PDZRN3: variants seen among roughly 807,000 people sequenced by gnomAD.
PDZRN3 encodes the protein PDZ domain containing ring finger 3.
Under a neutral mutation model 85.7 loss-of-function variants are expected in PDZRN3, and 38 were observed. The ratio of observed to expected loss-of-function variants is 0.44; its 90% CI spans 0.34 to 0.58. The LOEUF is 0.58. Ranked by LOEUF, PDZRN3 falls within the 20% of genes least tolerant of loss-of-function variation. The probability of loss-of-function intolerance (pLI) is 0.01; values close to 1 mark genes in which losing one functional copy is unlikely to be tolerated. For synonymous variants in PDZRN3, 759 were observed against 638.0 expected (o/e 1.19, Z -2.86); for missense variants, 1,629 against 1,506.4 (o/e 1.08, Z -1.35).
intron 3 of PDZRN3, 43 bp downstream of exon 3, chr3:73,602,311 T>C: frequency 9.6e-7 from 1 of 1,036,288 alleles, no homozygotes; most frequent in Admixed American, 1.8e-5. Context: ...GAAGATGGGA[T>C]GGCATTCAGC....
chr3:73,416,876 GTTTTTTTT>G (rs146381615), intron 3 of PDZRN3, among the ~76,000 whole-genome samples: 5 of 110,402 alleles, frequency 4.5e-5, no homozygotes, highest in East Asian at 2.5e-4. Flanking sequence ...TTTTTTTTTG[GTTTTTTTT>G]TTTTTTTTTT....
At chr3:73,413,011 C>T (rs931684784) in intron 3 of PDZRN3, among the ~76,000 whole-genome samples, 2 of 152,016 alleles carry the variant, frequency 1.3e-5, no homozygotes, top group East Asian at 1.9e-4. Flanking sequence ...TCAGTGCCCT[C>T]GATAGAATAT....
chr3:73,454,965 T>C (rs1158271606), intron 3 of PDZRN3, among the ~76,000 whole-genome samples: 1 of 152,166 alleles, frequency 6.6e-6, no homozygotes, highest in Non-Finnish European at 1.5e-5. Context: ...TTTTCTACAC[T>C]ATCTTGACTA....
intron 3 of PDZRN3, among the ~76,000 whole-genome samples, chr3:73,437,108 A>T (rs1702546578): frequency 6.6e-6 from 1 of 150,592 alleles, no homozygotes; most frequent in Admixed American, 6.6e-5. Context: ...GGGTTATATT[A>T]AGCAATATTT....
intron 3 of PDZRN3, among the ~76,000 whole-genome samples, chr3:73,508,036 A>G (rs1023632201): frequency 1.3e-5 from 2 of 152,158 alleles, no homozygotes; most frequent in Admixed American, 1.3e-4. Context: ...TGAAGGTTGC[A>G]ATGAGCCGAG....
chr3:73,506,739 A>G (rs181777853), intron 3 of PDZRN3, among the ~76,000 whole-genome samples: 13 of 152,248 alleles, frequency 8.5e-5, no homozygotes, highest in Admixed American at 7.2e-4. Context: ...AAGTTAATGG[A>G]AGGATTTACA....
Position 73,420,536 on chromosome 3 carries a change from C to T in PDZRN3, c.919-16141G>A, listed in dbSNP as rs567839873. 2.6e-5 allele frequency among the ~76,000 whole-genome samples: 4 copies of T among 152,324 alleles called. No homozygotes were observed. The East Asian group carries it at 7.7e-4, about 29-fold the overall frequency. On this transcript the variant is annotated intron_variant, in intron 3 of 9. Transcript: ENST00000263666. ...TTTTAAGAAGCTTTGGCTTTACATA[C>T]TTCTGTTGAAACCCTTATTCTCCAC...
chr3:73,613,343 T>C (rs912084410), intron 1 of PDZRN3, among the ~76,000 whole-genome samples: 3 of 151,940 alleles, frequency 2.0e-5, no homozygotes, highest in African/African-American at 4.8e-5. Context: ...ATACATAACA[T>C]GGTCACACCT....
intron 3 of PDZRN3, among the ~76,000 whole-genome samples, chr3:73,456,884 C>T (rs867374379): frequency 6.6e-6 from 1 of 151,596 alleles, no homozygotes; most frequent in Admixed American, 6.6e-5. Flanking sequence ...TTCTGTGCTA[C>T]GAATTTCTTC....
At chr3:73,492,894 T>A (rs945501028) in intron 3 of PDZRN3, among the ~76,000 whole-genome samples, 2 of 151,806 alleles carry the variant, frequency 1.3e-5, no homozygotes, top group African/African-American at 4.8e-5. Context: ...ACCACATAAA[T>A]ATGTACAATT....
chr3:73,565,853 A>T (rs1701938782), intron 3 of PDZRN3, among the ~76,000 whole-genome samples: 1 of 150,528 alleles, frequency 6.6e-6, no homozygotes, highest in Non-Finnish European at 1.5e-5. Context: ...GCTTCCAATA[A>T]AAAAAAAATT....
At chr3:73,387,792 A>C (rs891348652) in intron 8 of PDZRN3, among the ~76,000 whole-genome samples, 176 bp downstream of exon 8, 1 of 152,196 alleles carries the variant, frequency 6.6e-6, no homozygotes, top group Non-Finnish European at 1.5e-5. Flanking sequence ...GCATCTAACC[A>C]ACCTTAAATG....
chr3:73,465,750 T>A (rs565395083), intron 3 of PDZRN3, among the ~76,000 whole-genome samples: 51 of 152,368 alleles, frequency 3.3e-4, no homozygotes, highest in African/African-American at 1.2e-3. Context: ...CCTAAAAAAA[T>A]TTATTATCTC....
chr3:73,565,786 AACACACACACACACACACAC>A lies in PDZRN3; in HGVS notation c.918+36548_918+36567del, dbSNP rs61564723. Among the ~76,000 whole-genome samples the A allele has an allele frequency of 1.1e-4, 4 of 37,914 alleles. 1 individual carries two copies. Among genetic ancestry groups the A allele is most frequent in the Non-Finnish European group, 3.9e-4 (4 of 10,266 alleles). 24.9% of individuals were successfully genotyped at this position (37,914 alleles called of 152,430 possible). The stretch of plus-strand genomic sequence containing the variant: ...AACCCTGTCTCTACTAAAAATACAA[AACACACACACACACACACAC>A]ACACACACACACACACACACACACA... On this transcript the variant is annotated intron_variant, in intron 3 of 9. Transcript: ENST00000263666.
intron 7 of PDZRN3, among the ~76,000 whole-genome samples, chr3:73,388,435 T>C (rs1701446109): frequency 6.6e-6 from 1 of 152,092 alleles, no homozygotes; most frequent in Admixed American, 6.5e-5. Context: ...ATGTAGACAT[T>C]ATTGGATAAT....
chr3:73,560,324 A>T (rs894093553), intron 3 of PDZRN3, among the ~76,000 whole-genome samples: 1 of 152,202 alleles, frequency 6.6e-6, no homozygotes, highest in African/African-American at 2.4e-5. Flanking sequence ...CGATGAAGAA[A>T]CAGAGGCCAG....
intron 3 of PDZRN3, among the ~76,000 whole-genome samples, chr3:73,407,174 G>C (rs530967036): frequency 6.6e-6 from 1 of 152,292 alleles, no homozygotes; most frequent in East Asian, 1.9e-4. Context: ...AGGGAGCTCT[G>C]AGGTTTTGTC....
At chr3:73,416,062 T>TTTTGTTTG (rs897880890) in intron 3 of PDZRN3, among the ~76,000 whole-genome samples, 2 of 152,078 alleles carry the variant, frequency 1.3e-5, no homozygotes, top group Non-Finnish European at 2.9e-5. Flanking sequence ...TAAGGGTTTT[T>TTTTGTTTG]TTTGTTTGTT....
At chr3:73,524,048 C>T (rs1195748181) in intron 3 of PDZRN3, among the ~76,000 whole-genome samples, 3 of 152,198 alleles carry the variant, frequency 2.0e-5, no homozygotes, top group Non-Finnish European at 4.4e-5. Flanking sequence ...TATCACAGGG[C>T]ATGCTTACAC....
Sources: allele counts gnomAD v4.1 joint callset (sites outside exome capture counted in the v4.1 genomes callset), GRCh38; gene constraint gnomAD v4.1.1; transcripts MANE v1.5; gene names NCBI Gene and HGNC (gene_info 2026-07-23, HGNC 2026-07-21).